Variants in AK8 observed in about 807,000 individuals in gnomAD.
AK8 encodes adenylate kinase 8, also known as ATP-AMP transphosphorylase 8.
A neutral mutation model predicts 54.6 loss-of-function variants in AK8; 44 were observed. That is an observed-to-expected ratio of 0.81 (90% CI 0.63 to 1.04). AK8 has a LOEUF of 1.04. AK8 is among the 50% of genes least tolerant of loss of function. The probability of loss-of-function intolerance (pLI) is 0.00; values close to 1 mark genes in which losing one functional copy is unlikely to be tolerated. For synonymous variants in AK8, 239 were observed against 245.6 expected, an observed-to-expected ratio of 0.97 and a Z score of 0.25; for missense variants, 555 against 613.6, an observed-to-expected ratio of 0.90 and a Z score of 1.01.
chr9:132,751,265 T>A (rs1423715237), intron 11 of AK8, among the ~76,000 whole-genome samples: 1 of 149,292 alleles, frequency 6.7e-6, no homozygotes, highest in African/African-American at 2.5e-5. Flanking sequence ...ACGCCTGTAA[T>A]CCCAGCTACT....
intron 11 of AK8, among the ~76,000 whole-genome samples, chr9:132,730,331 G>T (rs1836777393): frequency 1.3e-5 from 2 of 152,064 alleles, no homozygotes; most frequent in South Asian, 4.1e-4. Flanking sequence ...TCTGTCCAGA[G>T]CAATAACAGC....
intron 5 of AK8, among the ~76,000 whole-genome samples, chr9:132,848,670 A>C (rs1402805079): frequency 6.6e-6 from 1 of 152,194 alleles, no homozygotes; most frequent in African/African-American, 2.4e-5. Flanking sequence ...CTTCAACTGC[A>C]GATGGTGAGC....
At chr9:132,871,982 A>C (rs1285993621) in intron 2 of AK8, among the ~76,000 whole-genome samples, 1 of 152,234 alleles carries the variant, frequency 6.6e-6, no homozygotes, top group African/African-American at 2.4e-5. Flanking sequence ...AATTTCTTGA[A>C]ATTCAAGGTT....
intron 11 of AK8, among the ~76,000 whole-genome samples, chr9:132,758,564 C>G (rs1049997186): frequency 1.6e-4 from 24 of 152,112 alleles, no homozygotes; most frequent in African/African-American, 5.8e-4. Flanking sequence ...ATTCTCTTGC[C>G]TCAGCTTCCC....
chr9:132,811,591 T>C (rs1430839871), intron 10 of AK8, among the ~76,000 whole-genome samples: 1 of 152,260 alleles, frequency 6.6e-6, no homozygotes, highest in Non-Finnish European at 1.5e-5. Flanking sequence ...TAAATCTGTG[T>C]TGTTCTAAAC....
chr9:132,769,434 T>C (rs1433400955), intron 11 of AK8: 2 of 152,146 alleles, frequency 1.3e-5, no homozygotes. Flanking sequence ...CTCTGAACAC[T>C]TTCCCGGGAG....
chr9:132,848,112 T>G, intron 5 of AK8, among the ~76,000 whole-genome samples: 2 of 53,122 alleles, frequency 3.8e-5, no homozygotes, highest in South Asian at 1.4e-3. Context: ...CAACACCCTG[T>G]TTCAAAAAAA....
chr9:132,753,047 T>C (rs1188946783), intron 11 of AK8, among the ~76,000 whole-genome samples: 1 of 152,172 alleles, frequency 6.6e-6, no homozygotes, highest in East Asian at 1.9e-4. Flanking sequence ...AGCGAACAAA[T>C]TGAAGTGTAA....
chr9:132,831,269 G>T (rs780938791), intron 5 of AK8, among the ~76,000 whole-genome samples: 32 of 151,542 alleles, frequency 2.1e-4, no homozygotes, highest in Middle Eastern at 3.4e-3. Flanking sequence ...AATTCCACTG[G>T]GATTCTGGAA....
rs552568578 is a variant in AK8 at position 132,773,770 on chromosome 9, C to T, written c.1121+18864G>A. 3.9e-5 allele frequency among the ~76,000 whole-genome samples: 6 copies of T among 152,202 alleles called. No individual in the cohort carries two copies. The East Asian group carries it at 5.8e-4, about 15-fold the overall frequency. On this transcript the variant is annotated intron_variant, in intron 11 of 12. Coordinates refer to ENST00000298545, the MANE Select transcript of AK8 (RefSeq NM_152572.3). ...TGTCCTATTATGCTGCTTCCCATCACGAGAAAAATATGTAAAGTCTTATGG... is the reference window on the plus strand; with the variant it reads ...TGTCCTATTATGCTGCTTCCCATCATGAGAAAAATATGTAAAGTCTTATGG...
chr9:132,870,554 TA>T (rs1197975436), intron 2 of AK8, among the ~76,000 whole-genome samples: 4 of 152,248 alleles, frequency 2.6e-5, no homozygotes, highest in African/African-American at 9.6e-5. Context: ...TCGCCTGCTT[TA>T]ATATTGCCCA....
chr9:132,867,811 A>C (rs1354948268), intron 2 of AK8, among the ~76,000 whole-genome samples: 2 of 152,236 alleles, frequency 1.3e-5, no homozygotes, highest in Non-Finnish European at 2.9e-5. Flanking sequence ...AACTGCTTGC[A>C]GGACAACTCT....
At chr9:132,872,603 C>G (rs992944444) in intron 2 of AK8, among the ~76,000 whole-genome samples, 1 of 151,750 alleles carries the variant, frequency 6.6e-6, no homozygotes, top group Non-Finnish European at 1.5e-5. Context: ...GTAGCTGGAG[C>G]TACAGGTGCA....
intron 1 of AK8, among the ~76,000 whole-genome samples, chr9:132,877,136 G>C (rs1184637130): frequency 1.3e-5 from 2 of 152,326 alleles, no homozygotes; most frequent in East Asian, 1.9e-4. Flanking sequence ...GTTCTCTAGA[G>C]CAGACAACAG....
In AK8 at chr9:132,860,382, C is replaced by T. The variant is rs934322020; in HGVS notation, c.333+3283G>A. On this transcript the variant is annotated intron_variant, in intron 4 of 12. Coordinates refer to ENST00000298545, the MANE Select transcript of AK8 (RefSeq NM_152572.3). The surrounding 1 kb of genome is among the most constrained non-coding windows in gnomAD (Gnocchi z 4.4). Reference sequence around the variant, plus strand: ...TTGGGTTGCGGAAATAAATGAAGACCTCCCAAATGAGACAAGCCAAGGCTG... The same window carrying T: ...TTGGGTTGCGGAAATAAATGAAGACTTCCCAAATGAGACAAGCCAAGGCTG... 5.0e-4 allele frequency among the ~76,000 whole-genome samples: 76 copies of T among 152,304 alleles called. No individual in the cohort carries two copies. The highest frequency in any genetic ancestry group is 1.8e-3 in the African/African-American group (75 of 41,556).
intron 11 of AK8, among the ~76,000 whole-genome samples, chr9:132,760,921 T>C (rs1263736709): frequency 6.6e-6 from 1 of 152,178 alleles, no homozygotes; most frequent in Non-Finnish European, 1.5e-5. Flanking sequence ...TAATACACAA[T>C]TGGATTGGAT....
In AK8 at chr9:132,863,760, G is replaced by A. The variant is rs750682408; in HGVS notation, c.238C>T (p.His80Tyr). The change falls in exon 4 of 13, where the codon CAT becomes TAT. Residue 80 changes from histidine (H) to tyrosine (Y), a missense_variant. Transcript: ENST00000298545. ...AGGGTGAGGAGACTGCTGTTCAGAT[G>A]TTTGCAGAGCCACATTGCCTGAAGA... ...KTTIAMWLCK[H>Y]LNSSLLTLEN... The A allele has an allele frequency of 1.9e-6, 3 of 1,613,686 alleles. No homozygotes were observed. In the African/African-American group the frequency reaches 4.0e-5, roughly 22 times the overall value.
chr9:132,827,202 C>T (rs894988732), intron 7 of AK8, 148 bp from the exon 8 acceptor site: 3 of 710,182 alleles, frequency 4.2e-6, no homozygotes, highest in Admixed American at 2.4e-5. Context: ...CGTTGCTCAA[C>T]ACCAGCACTT....
At chr9:132,784,355 C>T (rs946418681) in intron 11 of AK8, among the ~76,000 whole-genome samples, 2 of 152,094 alleles carry the variant, frequency 1.3e-5, no homozygotes, top group Non-Finnish European at 2.9e-5. Context: ...CCTGTCTCTA[C>T]TAAAAATACA....
Sources: gnomAD v4.1 joint callset for allele counts (sites outside exome capture counted in the v4.1 genomes callset) on GRCh38, gnomAD v4.1.1 for gene constraint, Gnocchi (gnomAD v3.1) non-coding constraint, MANE v1.5 for transcripts, NCBI Gene and HGNC (gene_info 2026-07-23, HGNC 2026-07-21) for gene names.